Variants in CNTN1 observed in about 807,000 individuals in gnomAD.
The protein encoded by CNTN1 is contactin-1.
In CNTN1, 38 loss-of-function variants were observed where a neutral mutation model predicts 126.4. The ratio of observed to expected loss-of-function variants is 0.30; its 90% CI spans 0.23 to 0.39. The LOEUF (loss-of-function observed/expected upper bound fraction) is 0.39. Ranked by LOEUF, CNTN1 falls within the 10% of genes least tolerant of loss-of-function variation. The pLI, the probability that CNTN1 is intolerant of heterozygous loss-of-function variation, is 1.00. For synonymous variants in CNTN1, 413 were observed against 422.6 expected (o/e 0.98, Z 0.28); for missense variants, 1,009 against 1,248.4 (o/e 0.81, Z 2.89).
chr12:41,056,915 TATA>T (rs1318987649), intron 23 of CNTN1, among the ~76,000 whole-genome samples: 3 of 31,608 alleles, frequency 9.5e-5, no homozygotes, highest in East Asian at 1.2e-3. Flanking sequence ...TATAAATATT[TATA>T]ATATTTAGAT....
At chr12:40,860,576 T>C (rs1565845578) in intron 1 of CNTN1, among the ~76,000 whole-genome samples, 1 of 152,116 alleles carries the variant, frequency 6.6e-6, no homozygotes, top group Non-Finnish European at 1.5e-5. Context: ...TGCTGTAATG[T>C]CTCATAGAAC....
intron 11 of CNTN1, 143 bp from the exon 12 acceptor site, chr12:40,939,192 G>A: frequency 1.3e-6 from 1 of 789,868 alleles, no homozygotes; most frequent in Non-Finnish European, 2.0e-6. Flanking sequence ...GGTATAGAAT[G>A]CCTATTGGTG....
intron 1 of CNTN1, among the ~76,000 whole-genome samples, chr12:40,766,560 G>C (rs1939105931): frequency 6.6e-6 from 1 of 152,084 alleles, no homozygotes; most frequent in Non-Finnish European, 1.5e-5. Context: ...CTTTAAAAGG[G>C]GTGGAGGGTA....
intron 23 of CNTN1, among the ~76,000 whole-genome samples, chr12:41,049,698 G>T (rs1949628683): frequency 6.6e-6 from 1 of 152,110 alleles, no homozygotes; most frequent in Non-Finnish European, 1.5e-5. Flanking sequence ...TCATGTCTCT[G>T]CACAAAAACC....
chr12:41,014,318 A>G lies in CNTN1; in HGVS notation c.2184+20A>G, dbSNP rs551282312. The G allele has an allele frequency of 5.0e-6, 8 of 1,612,252 alleles. No homozygotes were observed. The highest frequency in any genetic ancestry group is 1.7e-4 in the Middle Eastern group (1 of 6,054). On this transcript the variant is annotated intron_variant, in intron 18 of 23. Transcript: ENST00000551295. ...TGGGCGGTAAGTATTGATGAGTTGC[A>G]CATATTATAGGTTGCTGTATCTATA...
chr12:40,842,663 T>C (rs1365826026), intron 1 of CNTN1, among the ~76,000 whole-genome samples: 2 of 152,150 alleles, frequency 1.3e-5, no homozygotes, highest in African/African-American at 4.8e-5. Context: ...CTGTGTAAGA[T>C]TGAAGATTAT....
chr12:41,011,478 G>A (rs988945048), intron 17 of CNTN1, among the ~76,000 whole-genome samples: 14 of 152,214 alleles, frequency 9.2e-5, no homozygotes, highest in African/African-American at 1.7e-4. Flanking sequence ...GTGACCCAGG[G>A]TGGGAGAAAG....
chr12:41,036,123 T>G (rs1241787072), intron 23 of CNTN1, among the ~76,000 whole-genome samples: 5 of 152,062 alleles, frequency 3.3e-5, no homozygotes, highest in African/African-American at 7.2e-5. Flanking sequence ...CTACTGTAGG[T>G]TTTTTTATGA....
intron 1 of CNTN1, among the ~76,000 whole-genome samples, chr12:40,746,031 TC>T (rs1406249839): frequency 1.3e-5 from 2 of 152,178 alleles, no homozygotes; most frequent in Non-Finnish European, 2.9e-5. Context: ...AAATGTCTAT[TC>T]CACAGAATTG....
At chr12:40,982,180 A>G (rs1947837807) in intron 16 of CNTN1, among the ~76,000 whole-genome samples, 1 of 152,166 alleles carries the variant, frequency 6.6e-6, no homozygotes. Context: ...CTAAGTGTAT[A>G]AAGTTGCAAT....
intron 23 of CNTN1, among the ~76,000 whole-genome samples, chr12:41,036,388 GT>G (rs1445172901): frequency 6.6e-6 from 1 of 152,074 alleles, no homozygotes; most frequent in African/African-American, 2.4e-5. Flanking sequence ...AAAATAAAGA[GT>G]TTTTTATGGT....
chr12:40,822,146 A>ATCTTTTTTTTT (rs1941459839), intron 1 of CNTN1, among the ~76,000 whole-genome samples: 6 of 81,892 alleles, frequency 7.3e-5, no homozygotes, highest in African/African-American at 2.4e-4. Context: ...CAAAATATAA[A>ATCTTTTTTTTT]TCTTTTTTTT....
intron 17 of CNTN1, among the ~76,000 whole-genome samples, chr12:41,001,863 C>T (rs573870819): frequency 2.6e-5 from 4 of 152,320 alleles, no homozygotes; most frequent in East Asian, 3.9e-4. Flanking sequence ...TATCCCAACA[C>T]CATTTATTGA....
intron 1 of CNTN1, among the ~76,000 whole-genome samples, chr12:40,793,669 T>C (rs1940304241): frequency 6.6e-6 from 1 of 152,050 alleles, no homozygotes; most frequent in East Asian, 1.9e-4. Flanking sequence ...TTTATGTGGC[T>C]TCCTCTTCCT....
intron 23 of CNTN1, among the ~76,000 whole-genome samples, chr12:41,038,857 G>A (rs1218907038): frequency 1.3e-5 from 2 of 151,856 alleles, no homozygotes; most frequent in South Asian, 2.1e-4. Flanking sequence ...TTTTCACTAA[G>A]AGTGCAGGGA....
At chr12:41,004,344 G>A (rs1472901943) in intron 17 of CNTN1, among the ~76,000 whole-genome samples, 4 of 152,146 alleles carry the variant, frequency 2.6e-5, no homozygotes, top group African/African-American at 4.8e-5. Context: ...TTTCTGAGGA[G>A]TGTTTTATTT....
At chr12:40,768,677 T>G (rs970520589) in intron 1 of CNTN1, among the ~76,000 whole-genome samples, 2 of 152,206 alleles carry the variant, frequency 1.3e-5, no homozygotes, top group African/African-American at 4.8e-5. Flanking sequence ...TTAGCATTCT[T>G]TCTGGCTGAA....
At chr12:40,965,022 T>G (rs1216398604) in intron 15 of CNTN1, among the ~76,000 whole-genome samples, 1 of 152,114 alleles carries the variant, frequency 6.6e-6, no homozygotes, top group Non-Finnish European at 1.5e-5. Flanking sequence ...ATTAGTATTC[T>G]TTTTTTGTAA....
At chr12:40,781,813 T>C (rs1939817137) in intron 1 of CNTN1, among the ~76,000 whole-genome samples, 2 of 152,032 alleles carry the variant, frequency 1.3e-5, no homozygotes, top group South Asian at 2.1e-4. Flanking sequence ...TGGATCCTTA[T>C]TGATTTATTT....
Sources: gnomAD v4.1 joint callset for allele counts (sites outside exome capture counted in the v4.1 genomes callset) on GRCh38, gnomAD v4.1.1 for gene constraint, MANE v1.5 for transcripts, NCBI Gene and HGNC (gene_info 2026-07-23, HGNC 2026-07-21) for gene names.